Variants in NAALADL2 observed in about 807,000 individuals in gnomAD.
The protein encoded by NAALADL2 is inactive N-acetylated-alpha-linked acidic dipeptidase-like protein 2.
NAALADL2 carries 76 observed loss-of-function variants against 87.2 expected under a neutral mutation model. That is an observed-to-expected ratio of 0.87 (90% CI 0.72 to 1.05). The LOEUF (loss-of-function observed/expected upper bound fraction) is 1.05. Ranked by LOEUF, NAALADL2 falls within the 50% of genes least tolerant of loss-of-function variation. The pLI is 0.00. For synonymous variants in NAALADL2, 354 were observed against 331.0 expected (o/e 1.07, Z -0.75); for missense variants, 1,089 against 945.8 (o/e 1.15, Z -1.99).
intron 11 of NAALADL2, among the ~76,000 whole-genome samples, chr3:175,669,457 T>C (rs974270354): frequency 6.6e-6 from 1 of 152,042 alleles, no homozygotes; most frequent in African/African-American, 2.4e-5. Flanking sequence ...TCTTTATTCA[T>C]TGAAGAAAAA....
intron 2 of NAALADL2, among the ~76,000 whole-genome samples, chr3:175,206,818 TA>T (rs1741001105): frequency 1.3e-5 from 2 of 152,162 alleles, no homozygotes; most frequent in African/African-American, 4.8e-5. Flanking sequence ...TTAGGTCTGC[TA>T]ATCCTTCCAA....
At chr3:174,606,448 G>C (rs1334231263) in intron 2 of NAALADL2, among the ~76,000 whole-genome samples, 1 of 152,174 alleles carries the variant, frequency 6.6e-6, no homozygotes, top group Non-Finnish European at 1.5e-5. Context: ...TGTATAACTA[G>C]AATAACCAAT....
At chr3:175,027,244 AT>A (rs1752326549) in intron 1 of NAALADL2, among the ~76,000 whole-genome samples, 1 of 152,104 alleles carries the variant, frequency 6.6e-6, no homozygotes, top group South Asian at 2.1e-4. Flanking sequence ...TAAAAAGTAG[AT>A]TTAATGCCAA....
chr3:174,640,022 T>C (rs1723012271), intron 2 of NAALADL2, among the ~76,000 whole-genome samples: 1 of 152,142 alleles, frequency 6.6e-6, no homozygotes, highest in African/African-American at 2.4e-5. Flanking sequence ...TCAGGCTGTG[T>C]TTTGTAACTT....
intron 11 of NAALADL2, among the ~76,000 whole-genome samples, chr3:175,667,171 AAG>A (rs1321371994): frequency 6.5e-5 from 9 of 139,164 alleles, no homozygotes; most frequent in African/African-American, 2.0e-4. Context: ...AAAAGAAAGA[AAG>A]AAAGAAAGAG....
At chr3:174,940,715 A>T (rs1738450198) in intron 1 of NAALADL2, among the ~76,000 whole-genome samples, 1 of 151,954 alleles carries the variant, frequency 6.6e-6, no homozygotes, top group South Asian at 2.1e-4. Flanking sequence ...CTGATCAGGG[A>T]ATTAATTTCT....
intron 9 of NAALADL2, among the ~76,000 whole-genome samples, chr3:175,537,230 A>G (rs150481363): frequency 9.5e-4 from 144 of 152,332 alleles, no homozygotes; most frequent in African/African-American, 3.1e-3. Flanking sequence ...CCTTTTTTGA[A>G]TACTGCCGCT....
chr3:174,672,700 G>A lies in NAALADL2; in HGVS notation c.-114-64941G>A, dbSNP rs574028936. Among the ~76,000 whole-genome samples, 8 of 152,134 alleles carry A rather than the reference G, an allele frequency of 5.3e-5. No individual in the cohort carries two copies. In the East Asian group the frequency reaches 1.5e-3, roughly 29 times the overall value. On this transcript the variant is annotated intron_variant, in intron 2 of 3. Coordinates refer to the NAALADL2 transcript ENST00000434257. ...GATTTTTGAATAAAGATCTGAAGGT[G>A]CTCAGGGAGTAAAGCATGTGATTAT...
intron 11 of NAALADL2, among the ~76,000 whole-genome samples, chr3:175,657,606 A>C (rs1351777146): frequency 6.7e-6 from 1 of 148,886 alleles, no homozygotes; most frequent in Non-Finnish European, 1.5e-5. Flanking sequence ...TTTGAGACGG[A>C]GTCTTGCTCT....
intron 5 of NAALADL2, among the ~76,000 whole-genome samples, chr3:175,380,163 A>C (rs1767624746): frequency 6.6e-6 from 1 of 152,094 alleles, no homozygotes; most frequent in Non-Finnish European, 1.5e-5. Flanking sequence ...ACAAACCTGC[A>C]TGTTGTGCAC....
intron 10 of NAALADL2, 106 bp downstream of exon 10, chr3:175,576,293 G>A (rs1220449735): frequency 3.0e-6 from 3 of 1,004,466 alleles, no homozygotes; most frequent in African/African-American, 1.6e-5. Context: ...GGTCACTATA[G>A]AAAAGCGGCT....
At chr3:175,273,021 T>C (rs1007396002) in intron 4 of NAALADL2, among the ~76,000 whole-genome samples, 2 of 152,088 alleles carry the variant, frequency 1.3e-5, no homozygotes, top group Non-Finnish European at 2.9e-5. Context: ...TATTTAATCT[T>C]GAGTATTTTT....
chr3:175,027,517 T>G (rs1401733164), intron 1 of NAALADL2, among the ~76,000 whole-genome samples: 1 of 152,118 alleles, frequency 6.6e-6, no homozygotes, highest in Non-Finnish European at 1.5e-5. Context: ...GTGACCAGAT[T>G]ATTTAAATTA....
intron 11 of NAALADL2, among the ~76,000 whole-genome samples, chr3:175,698,377 ATT>A (rs1487604129): frequency 8.2e-6 from 1 of 121,484 alleles, no homozygotes; most frequent in Non-Finnish European, 1.7e-5. Context: ...ATGTATGTGT[ATT>A]TATGTATGTA....
chr3:174,548,995 C>T (rs1711756647), intron 1 of NAALADL2, among the ~76,000 whole-genome samples: 1 of 152,286 alleles, frequency 6.6e-6, no homozygotes, highest in Non-Finnish European at 1.5e-5. Context: ...CATGCAGCAC[C>T]ATGCCCGGCT....
At chr3:174,887,795 C>CA (rs144578976) in intron 1 of NAALADL2, among the ~76,000 whole-genome samples, 3,637 of 149,936 alleles carry the variant, frequency 0.024, 131 homozygotes, top group African/African-American at 0.078. Context: ...TACCCTGTCT[C>CA]AAAAAAATTA....
At chr3:175,465,315 CAAT>C (rs1250535912) in intron 7 of NAALADL2, among the ~76,000 whole-genome samples, 5 of 147,788 alleles carry the variant, frequency 3.4e-5, no homozygotes, top group Admixed American at 6.7e-5. Flanking sequence ...AGATTAGAAA[CAAT>C]AATCAATTAG....
intron 5 of NAALADL2, among the ~76,000 whole-genome samples, chr3:175,331,355 A>T (rs1452961182): frequency 6.6e-6 from 1 of 152,326 alleles, no homozygotes; most frequent in Middle Eastern, 3.4e-3. Context: ...AACAAGAATA[A>T]ACTACAGATC....
intron 1 of NAALADL2, among the ~76,000 whole-genome samples, chr3:174,866,217 G>C (rs942810566): frequency 6.6e-6 from 1 of 151,840 alleles, no homozygotes; most frequent in African/African-American, 2.4e-5. Flanking sequence ...AACTAGAAGA[G>C]AGCATCTTTA....
Sources: gnomAD v4.1 joint callset for allele counts (sites outside exome capture counted in the v4.1 genomes callset) on GRCh38, gnomAD v4.1.1 for gene constraint, MANE v1.5 for transcripts, NCBI Gene and HGNC (gene_info 2026-07-23, HGNC 2026-07-21) for gene names.